Variants in NBAS observed in about 807,000 individuals in gnomAD.
NBAS encodes NAG/BC035112 fusion.
Under a neutral mutation model 302.5 loss-of-function variants are expected in NBAS, and 219 were observed. The observed-to-expected ratio is 0.72, with a 90% CI of 0.65 to 0.81. NBAS has a LOEUF of 0.81. Among genes scored for constraint, NBAS ranks in the 30% least tolerant of loss-of-function variants. NBAS has a pLI of 0.00. For missense variants in NBAS, 2,932 were observed against 2,841.6 expected, an observed-to-expected ratio of 1.03 and a Z score of -0.72; for synonymous variants, 1,118 against 1,021.6, an observed-to-expected ratio of 1.09 and a Z score of -1.80.
the NBAS span, among the ~76,000 whole-genome samples, chr2:14,915,848 C>T: frequency 1.3e-4 from 20 of 152,312 alleles, no homozygotes; most frequent in Admixed American, 1.1e-3. Context: ...GCATGAGCCA[C>T]TGTGCCTGGC....
the NBAS span, among the ~76,000 whole-genome samples, chr2:15,144,001 TG>T: frequency 7.2e-6 from 1 of 139,018 alleles, no homozygotes; most frequent in East Asian, 2.7e-4. Flanking sequence ...TGGGACCTTG[TG>T]GTTGTGTGAG....
chr2:14,991,217 AG>A, the NBAS span, among the ~76,000 whole-genome samples: 1 of 152,096 alleles, frequency 6.6e-6, no homozygotes, highest in South Asian at 2.1e-4. Flanking sequence ...ACTAGAACCC[AG>A]ATCTAACCAA....
At position 15,416,670 on chromosome 2, in the gene NBAS, G is replaced by T. The variant is rs181989779; in HGVS notation, c.2763+857C>A. Among the ~76,000 whole-genome samples, 13 of 152,078 alleles carry T rather than the reference G, an allele frequency of 8.5e-5. No homozygotes were observed. The East Asian group carries it at 2.5e-3, about 29-fold the overall frequency. On this transcript the variant is annotated intron_variant, in intron 24 of 51. Transcript: ENST00000281513. ...AAAATGCAAAAATTAGCCTGGTGTGGTGGCAGGCGCCTGTAATCCCAGCTA... is the reference window on the plus strand; with the variant it reads ...AAAATGCAAAAATTAGCCTGGTGTGTTGGCAGGCGCCTGTAATCCCAGCTA...
intron 44 of NBAS, among the ~76,000 whole-genome samples, chr2:15,257,616 C>G (rs1668661978): frequency 6.6e-6 from 1 of 152,126 alleles, no homozygotes; most frequent in Non-Finnish European, 1.5e-5. Flanking sequence ...TGGTCTCAAA[C>G]TCCTGACCTC....
At chr2:15,091,843 T>G in the NBAS span, among the ~76,000 whole-genome samples, 1 of 152,240 alleles carries the variant, frequency 6.6e-6, no homozygotes, top group African/African-American at 2.4e-5. Flanking sequence ...TCCTTGTGTT[T>G]TTTTAAAATA....
At chr2:15,546,459 T>TG (rs1402211385) in intron 6 of NBAS, among the ~76,000 whole-genome samples, 1 of 152,182 alleles carries the variant, frequency 6.6e-6, no homozygotes, top group Non-Finnish European at 1.5e-5. Context: ...TCGGGCATGG[T>TG]GGCTCACGCC....
chr2:15,226,653 G>A (rs1368366330), intron 47 of NBAS, among the ~76,000 whole-genome samples: 1 of 152,154 alleles, frequency 6.6e-6, no homozygotes, highest in Non-Finnish European at 1.5e-5. Context: ...AGGCAAGAAC[G>A]TGGTTAAACT....
chr2:15,124,193 G>C, the NBAS span, among the ~76,000 whole-genome samples: 3 of 152,182 alleles, frequency 2.0e-5, no homozygotes, highest in African/African-American at 2.4e-5. Flanking sequence ...GTCTGAACTT[G>C]AGAGTGATGA....
At chr2:14,937,106 A>G in the NBAS span, among the ~76,000 whole-genome samples, 1 of 152,224 alleles carries the variant, frequency 6.6e-6, no homozygotes, top group Non-Finnish European at 1.5e-5. Context: ...AACATAACAC[A>G]GCAACAGGGC....
chr2:14,858,376 A>G, the NBAS span, among the ~76,000 whole-genome samples: 3 of 152,132 alleles, frequency 2.0e-5, no homozygotes, highest in African/African-American at 7.2e-5. Context: ...TCATTGCAGC[A>G]TATTCACAAC....
chr2:15,518,801 G>A (rs1002217650), intron 9 of NBAS, among the ~76,000 whole-genome samples: 5 of 152,156 alleles, frequency 3.3e-5, no homozygotes, highest in Admixed American at 1.3e-4. Context: ...AGGCAAGGAG[G>A]AGCAAGGCAC....
At position 15,305,839 on chromosome 2, in the gene NBAS, C is replaced by T. The variant is rs75133264; in HGVS notation, c.4797+2377G>A. Among the ~76,000 whole-genome samples the T allele has an allele frequency of 5.8e-3, 877 of 152,258 alleles. 11 individuals carry two copies. Among genetic ancestry groups the T allele is most frequent in the African/African-American group, 0.02 (843 of 41,530 alleles). On this transcript the variant is annotated intron_variant, in intron 40 of 51. Coordinates refer to ENST00000281513, the MANE Select transcript of NBAS (RefSeq NM_015909.4). Reference sequence around the variant, plus strand: ...AAAGGTACAGCATGGGGTAGGCAAACAGTAGGACCTTAATAAAGATGATAT... The same window carrying T: ...AAAGGTACAGCATGGGGTAGGCAAATAGTAGGACCTTAATAAAGATGATAT...
chr2:15,293,345 A>G (rs2148114946), intron 40 of NBAS, among the ~76,000 whole-genome samples: 1 of 152,284 alleles, frequency 6.6e-6, no homozygotes, highest in Admixed American at 6.5e-5. Flanking sequence ...GCATCCAACC[A>G]ATTTTTACTC....
the NBAS span, among the ~76,000 whole-genome samples, chr2:14,984,880 G>A: frequency 2.2e-4 from 34 of 152,198 alleles, no homozygotes; most frequent in Non-Finnish European, 4.7e-4. Context: ...CCCAGCCTGT[G>A]AGATGCCTCA....
chr2:15,503,758 A>AT (rs942710034), intron 11 of NBAS, among the ~76,000 whole-genome samples: 20 of 152,160 alleles, frequency 1.3e-4, no homozygotes, highest in African/African-American at 4.1e-4. Context: ...TTGGGGAAGA[A>AT]TTTTTTTTAA....
At chr2:15,304,622 G>A (rs184595190) in intron 40 of NBAS, among the ~76,000 whole-genome samples, 3 of 152,166 alleles carry the variant, frequency 2.0e-5, no homozygotes, top group Non-Finnish European at 2.9e-5. Context: ...ATAGTGATAC[G>A]GACAATGAAG....
intron 25 of NBAS, among the ~76,000 whole-genome samples, chr2:15,414,695 A>AC (rs1676838336): frequency 2.0e-5 from 3 of 152,242 alleles, no homozygotes; most frequent in African/African-American, 7.2e-5. Context: ...CTGTAATCCC[A>AC]GCACTTTAGG....
chr2:15,022,306 T>C, the NBAS span, among the ~76,000 whole-genome samples: 2 of 152,198 alleles, frequency 1.3e-5, no homozygotes, highest in African/African-American at 4.8e-5. Context: ...TTTCTCTTCC[T>C]CTCAATGACT....
the NBAS span, among the ~76,000 whole-genome samples, chr2:15,067,393 G>A: frequency 0.63 from 35,722 of 56,324 alleles, 12,838 homozygotes; most frequent in South Asian, 0.76. Flanking sequence ...AGGAGGGGAG[G>A]GGAGGGGAGG....
Sources: allele counts gnomAD v4.1 joint callset (sites outside exome capture counted in the v4.1 genomes callset), GRCh38; gene constraint gnomAD v4.1.1; transcripts MANE v1.5; gene names NCBI Gene and HGNC (gene_info 2026-07-23, HGNC 2026-07-21).